The following FECH variants were observed in gnomAD, a reference collection of about 807,000 sequenced individuals.
FECH encodes ferrochelatase, mitochondrial.
In FECH, 40 loss-of-function variants were observed where a neutral mutation model predicts 56.9. The ratio of observed to expected loss-of-function variants is 0.70; its 90% CI spans 0.55 to 0.92. The LOEUF (loss-of-function observed/expected upper bound fraction) is 0.92, where lower values mean the gene tolerates loss of function less well. FECH is among the 40% of genes least tolerant of loss of function. The pLI, the probability that FECH is intolerant of heterozygous loss-of-function variation, is 0.00. For synonymous variants in FECH, 175 were observed against 198.6 expected (o/e 0.88, Z 1.00); for missense variants, 431 against 529.1 (o/e 0.81, Z 1.82).
chr18:57,574,036 ACT>A (rs1415636054), intron 2 of FECH, among the ~76,000 whole-genome samples: 4 of 151,992 alleles, frequency 2.6e-5, no homozygotes, highest in Non-Finnish European at 5.9e-5. Context: ...ATGGATTCTC[ACT>A]CTGTCACCCA....
intron 5 of FECH, 53 bp from the exon 6 acceptor site, chr18:57,563,033 A>G (rs1035207848): frequency 7.0e-7 from 1 of 1,431,210 alleles, no homozygotes; most frequent in Non-Finnish European, 9.8e-7. Flanking sequence ...GGTGAAAATA[A>G]AAAACAGACT....
At chr18:57,580,270 C>G (rs2051258388) in intron 1 of FECH, 71 bp from the exon 2 acceptor site, 3 of 1,566,090 alleles carry the variant, frequency 1.9e-6, no homozygotes, top group South Asian at 1.1e-5. Context: ...GTCCTCAGAG[C>G]ATAATTCCTG....
At chr18:57,572,328 C>T (rs2051121967) in intron 3 of FECH, among the ~76,000 whole-genome samples, 1 of 151,750 alleles carries the variant, frequency 6.6e-6, no homozygotes, top group South Asian at 2.1e-4. Flanking sequence ...AACCAAACAC[C>T]GCATGTTCTC....
At chr18:57,579,103 C>T (rs1055224035) in intron 2 of FECH, among the ~76,000 whole-genome samples, 2 of 151,640 alleles carry the variant, frequency 1.3e-5, no homozygotes, top group African/African-American at 4.9e-5. Flanking sequence ...CAAAAATTAG[C>T]CAGGCGTGGT....
chr18:57,552,839 A>G (rs773277301), intron 9 of FECH, among the ~76,000 whole-genome samples: 11 of 152,250 alleles, frequency 7.2e-5, no homozygotes, highest in Non-Finnish European at 1.5e-4. Flanking sequence ...CAACAGAATA[A>G]CCAGCGTTGG....
intron 4 of FECH, among the ~76,000 whole-genome samples, chr18:57,569,478 A>G (rs952304888): frequency 1.5e-4 from 23 of 152,238 alleles, no homozygotes; most frequent in African/African-American, 5.3e-4. Context: ...GACATAGTTC[A>G]AAAGTAAACT....
intron 1 of FECH, among the ~76,000 whole-genome samples, chr18:57,584,077 G>A (rs1036259552): frequency 6.6e-6 from 1 of 151,970 alleles, no homozygotes; most frequent in Admixed American, 6.6e-5. Flanking sequence ...CTACTTGGGA[G>A]GCTGAGGCAG....
chr18:57,577,819 T>C (rs1001430440), intron 2 of FECH, among the ~76,000 whole-genome samples: 2 of 151,874 alleles, frequency 1.3e-5, no homozygotes, highest in Admixed American at 1.3e-4. Context: ...CTCTGGGAGG[T>C]TGAGGCAGGA....
intron 2 of FECH, among the ~76,000 whole-genome samples, chr18:57,574,253 T>C (rs2051154945): frequency 6.6e-6 from 1 of 152,084 alleles, no homozygotes. Context: ...CCTCCCAAAG[T>C]GCTGGGATTA....
rs1251939487 is a variant in FECH at position 57,573,281 on chromosome 18, G to T, written c.279C>A (p.Phe93Leu). 6.2e-7 allele frequency: 1 copy of T among 1,613,962 alleles called. No individual in the cohort carries two copies. The highest frequency in any genetic ancestry group is 8.5e-7 in the Non-Finnish European group (1 of 1,179,806). ...GAAGTGTCATGAGGTCTCGGTCCAA[G>T]AAGAGTCTCAGAAGGAAGTCGTGAA... is the stretch of plus-strand genomic sequence containing the variant. ...GDVHDFLLRL[F>L]LDRDLMTLPI... The change falls in exon 3 of 11, where the codon TTC becomes TTA. Residue 93 changes from phenylalanine to leucine, a missense_variant. By Grantham distance (22) the Phe-to-Leu change is conservative (BLOSUM62 0). Transcript: ENST00000262093.
chr18:57,547,470 T>C lies in FECH; in HGVS notation c.*3242A>G, dbSNP rs907000480. ...GCCAGTTCTCACGAGATCTGATGGT[T>C]TTATAAGGGGGCTCTTCCCCTTTGC... On this transcript the variant is annotated 3_prime_UTR_variant, in exon 11 of 11. Transcript: ENST00000262093. Among the ~76,000 whole-genome samples, 3 of 152,106 alleles carry C rather than the reference T, an allele frequency of 2.0e-5. No homozygotes were observed. Among genetic ancestry groups the C allele is most frequent in the Non-Finnish European group, 2.9e-5 (2 of 68,022 alleles).
At position 57,556,493 on chromosome 18, in the gene FECH, C is replaced by T. The variant is rs185329178; in HGVS notation, c.805-1541G>A. The stretch of plus-strand genomic sequence containing the variant: ...GGGTGTGAGGCACAGAGCAGGGCCC[C>T]GCACCCCTGTGGGTTCTTGCCAATG... On this transcript the variant is annotated intron_variant, in intron 7 of 10. Coordinates refer to ENST00000262093, the MANE Select transcript of FECH (RefSeq NM_000140.5). Among the ~76,000 whole-genome samples, 85 of 152,306 alleles carry T rather than the reference C, an allele frequency of 5.6e-4. 1 individual carries two copies. Among genetic ancestry groups the T allele is most frequent in the East Asian group, 3.9e-4 (2 of 5,180 alleles).
In FECH at chr18:57,554,944, G is replaced by C; in HGVS notation, c.813C>G (p.Asn271Lys). Residue 271 changes from asparagine (N) to lysine (K), a missense_variant, in exon 8 of 11, where the codon AAC (asparagine) becomes AAG (lysine). Physicochemically the swap from Asn to Lys is moderately conservative, Grantham distance 94. Coordinates refer to ENST00000262093, the MANE Select transcript of FECH (RefSeq NM_000140.5). Reference sequence around the variant, plus strand: ...CCTCCTGAGGATATGGGTCGCCTCTGTTGACCACCTGCAGCAGAGACACAA... The same window carrying C: ...CCTCCTGAGGATATGGGTCGCCTCTCTTGACCACCTGCAGCAGAGACACAA... ...SAHSLPMSVV[N>K]RGDPYPQEVS... is the part of the protein sequence containing the mutation. 3 of 1,614,008 alleles carry C rather than the reference G, an allele frequency of 1.9e-6. No homozygotes were observed. The South Asian group carries it at 3.3e-5, about 18-fold the overall frequency.
chr18:57,576,609 G>A (rs2051189126), intron 2 of FECH, among the ~76,000 whole-genome samples: 1 of 152,176 alleles, frequency 6.6e-6, no homozygotes, highest in African/African-American at 2.4e-5. Context: ...ATTTAGAGCT[G>A]TTTTTCATCT....
intron 1 of FECH, among the ~76,000 whole-genome samples, chr18:57,581,097 A>C (rs759371320): frequency 1.4e-4 from 22 of 152,244 alleles, no homozygotes; most frequent in Non-Finnish European, 2.8e-4. Context: ...CATGTCAGTC[A>C]GAGGCAACTC....
chr18:57,573,255 G>C lies in FECH; in HGVS notation c.305C>G (p.Pro102Arg). 6.2e-7 allele frequency: 1 copy of C among 1,613,298 alleles called. No individual in the cohort carries two copies. Among genetic ancestry groups the C allele is most frequent in the Non-Finnish European group, 8.5e-7 (1 of 1,179,206 alleles). Residue 102 changes from proline (P) to arginine (R), a missense_variant, in exon 3 of 11, where the codon CCT becomes CGT. Coordinates refer to ENST00000262093, the MANE Select transcript of FECH (RefSeq NM_000140.5). ...TTTATATATATCTCACTTCTGAATAGGAAGTGTCATGAGGTCTCGGTCCAA... is the reference window on the plus strand; with the variant it reads ...TTTATATATATCTCACTTCTGAATACGAAGTGTCATGAGGTCTCGGTCCAA... ...LFLDRDLMTL[P>R]IQNKLAPFIA...
In FECH at chr18:57,550,007, C is replaced by A. The variant is rs536335429; in HGVS notation, c.*705G>T. The A allele has an allele frequency of 6.6e-6, 1 of 152,318 alleles. No homozygotes were observed. The highest frequency in any genetic ancestry group is 2.1e-4 in the South Asian group (1 of 4,828). The allele number at this position is 152,318 out of a possible 1,614,324, so 9.4% of individuals were successfully genotyped here. A position where few individuals can be genotyped will look rare whatever the true frequency, so the allele number is the denominator to read the frequency against. On this transcript the variant is annotated 3_prime_UTR_variant, in exon 11 of 11. Transcript: ENST00000262093. ...TTCCCTGTGGCACCACGGACTCCCACCAAGGCACGTATCATGAACACTGTA... is the reference window on the plus strand; with the variant it reads ...TTCCCTGTGGCACCACGGACTCCCAACAAGGCACGTATCATGAACACTGTA...
chr18:57,583,830 A>G (rs546529971), intron 1 of FECH, among the ~76,000 whole-genome samples: 9 of 152,224 alleles, frequency 5.9e-5, no homozygotes, highest in Admixed American at 3.3e-4. Context: ...AAGAAGGCCT[A>G]CAAACAATAA....
intron 2 of FECH, among the ~76,000 whole-genome samples, chr18:57,576,271 A>G (rs961846846): frequency 1.3e-5 from 2 of 152,218 alleles, no homozygotes; most frequent in African/African-American, 4.8e-5. Context: ...CTTCTAAAAC[A>G]ACCAAGCAAC....
Sources: gnomAD v4.1 joint callset for allele counts (sites outside exome capture counted in the v4.1 genomes callset) on GRCh38, gnomAD v4.1.1 for gene constraint, MANE v1.5 for transcripts, NCBI Gene and HGNC (gene_info 2026-07-23, HGNC 2026-07-21) for gene names.